Variants in DDX4 observed in about 807,000 individuals in gnomAD.
DDX4 encodes the protein probable ATP-dependent RNA helicase DDX4.
DDX4 carries 25 observed loss-of-function variants against 100.0 expected under a neutral mutation model. That is an observed-to-expected ratio of 0.25 (90% CI 0.18 to 0.35). The LOEUF (loss-of-function observed/expected upper bound fraction) is 0.35, where lower values mean the gene tolerates loss of function less well. Among genes scored for constraint, DDX4 ranks in the 10% least tolerant of loss-of-function variants. DDX4 has a pLI of 1.00. For synonymous variants in DDX4, 259 were observed against 275.7 expected, an observed-to-expected ratio of 0.94 and a Z score of 0.60; for missense variants, 635 against 882.4, an observed-to-expected ratio of 0.72 and a Z score of 3.55.
Position 55,768,850 on chromosome 5 carries a change from G to A in DDX4, c.394+910G>A, listed in dbSNP as rs1339524473. Among the ~76,000 whole-genome samples the A allele has an allele frequency of 2.0e-5, 3 of 152,144 alleles. No individual in the cohort carries two copies. The East Asian group carries it at 5.8e-4, about 29-fold the overall frequency. ...CTGGTGTGAGATGGTATCTCATTGT[G>A]GTTTTGATTTGCATTTCTCTAACGA... On this transcript the variant is annotated intron_variant, in intron 7 of 21. Coordinates refer to ENST00000505374, the MANE Select transcript of DDX4 (RefSeq NM_024415.3).
chr5:55,807,662 C>G (rs950574444), intron 18 of DDX4, among the ~76,000 whole-genome samples: 1 of 152,208 alleles, frequency 6.6e-6, no homozygotes, highest in African/African-American at 2.4e-5. Flanking sequence ...CCACTCTCTT[C>G]TGACTTGTAG....
At chr5:55,743,828 A>C (rs555346276) in intron 2 of DDX4, among the ~76,000 whole-genome samples, 2 of 151,086 alleles carry the variant, frequency 1.3e-5, no homozygotes, top group African/African-American at 4.9e-5. Context: ...TATGTGGGAT[A>C]TTAAGTTCCA....
Position 55,798,315 on chromosome 5 carries a change from TATA to T in DDX4, c.1470-108_1470-106del, listed in dbSNP as rs1250553373. The stretch of plus-strand genomic sequence containing the variant: ...AAGTAACCAACCATCTTATAGCTGT[TATA>T]ATCTGCTGTCTGATTAATATTGAGA... On this transcript the variant is annotated intron_variant, in intron 17 of 21. Coordinates refer to ENST00000505374, the MANE Select transcript of DDX4 (RefSeq NM_024415.3). 9 of 1,134,622 alleles carry T rather than the reference TATA, an allele frequency of 7.9e-6. No individual in the cohort carries two copies. In the African/African-American group the frequency reaches 1.2e-4, roughly 16 times the overall value. The allele number at this position is 1,134,622 out of a possible 1,614,324, so 70.3% of individuals were successfully genotyped here. A position where few individuals can be genotyped will look rare whatever the true frequency, so the allele number is the denominator to read the frequency against.
chr5:55,751,287 G>A (rs1759535499), intron 3 of DDX4, among the ~76,000 whole-genome samples: 1 of 152,160 alleles, frequency 6.6e-6, no homozygotes, highest in Non-Finnish European at 1.5e-5. Flanking sequence ...AGGCTGGAGT[G>A]CAGTGCTGCA....
chr5:55,796,823 CTTTTTTTTTTTTTTTTTTTTTTTTTTT>C (rs3990072), intron 17 of DDX4, among the ~76,000 whole-genome samples: 1 of 59,936 alleles, frequency 1.7e-5, no homozygotes, highest in Admixed American at 2.0e-4. Flanking sequence ...TTCTTTCTTT[CTTTTTTTTTTTTTTTTTTTTTTTTTTT>C]TTTTTTTGGA....
chr5:55,764,174 A>G, intron 6 of DDX4, 110 bp downstream of exon 6: 2 of 787,662 alleles, frequency 2.5e-6, no homozygotes, highest in Admixed American at 4.2e-5. Flanking sequence ...TATTTAAACC[A>G]GATTTTATGA....
chr5:55,779,358 G>C (rs1407168885), intron 7 of DDX4, among the ~76,000 whole-genome samples: 1 of 152,066 alleles, frequency 6.6e-6, no homozygotes, highest in Non-Finnish European at 1.5e-5. Flanking sequence ...AGTATAAATA[G>C]TTGCAAGTTT....
chr5:55,804,638 T>C (rs1329910833), intron 18 of DDX4, among the ~76,000 whole-genome samples: 2 of 152,042 alleles, frequency 1.3e-5, no homozygotes, highest in Non-Finnish European at 1.5e-5. Context: ...GTTGTAGATA[T>C]GCTGCGTTAT....
chr5:55,744,761 C>A (rs1759165653), intron 2 of DDX4, among the ~76,000 whole-genome samples: 1 of 152,204 alleles, frequency 6.6e-6, no homozygotes, highest in Admixed American at 6.5e-5. Context: ...CATGAATATT[C>A]TGATGCTACA....
chr5:55,790,756 TATGGGAAAAGGAAAGA>T (rs1172066998), intron 16 of DDX4, 51 bp downstream of exon 16: 1 of 1,564,488 alleles, frequency 6.4e-7, no homozygotes, highest in African/African-American at 1.4e-5. Context: ...TTTTGTTTGG[TATGGGAAAAGGAAAGA>T]ATGAGGTAAA....
intron 1 of DDX4, 48 bp downstream of exon 1, chr5:55,738,149 G>C (rs1422447016): frequency 1.3e-5 from 2 of 152,304 alleles, no homozygotes; most frequent in Non-Finnish European, 2.9e-5. Flanking sequence ...TCGGCCGTAC[G>C]GGCTCCCCAG....
chr5:55,804,533 C>T (rs1743561337), intron 18 of DDX4, among the ~76,000 whole-genome samples: 1 of 152,204 alleles, frequency 6.6e-6, no homozygotes, highest in African/African-American at 2.4e-5. Flanking sequence ...TTTCAGCTTT[C>T]TTTTTATGGC....
chr5:55,783,666 GATGGATGGATGA>G (rs1352424756), intron 10 of DDX4, among the ~76,000 whole-genome samples: 9 of 125,422 alleles, frequency 7.2e-5, no homozygotes, highest in Admixed American at 3.5e-4. Context: ...TGGATGGATG[GATGGATGGATGA>G]ATGGATGGAT....
At chr5:55,806,971 G>A (rs957687723) in intron 18 of DDX4, among the ~76,000 whole-genome samples, 4 of 152,286 alleles carry the variant, frequency 2.6e-5, no homozygotes, top group East Asian at 1.9e-4. Context: ...CTCTTTGTAG[G>A]TCTCTAAGGA....
chr5:55,765,405 A>AT (rs1554076953), intron 6 of DDX4, among the ~76,000 whole-genome samples: 14 of 100,314 alleles, frequency 1.4e-4, no homozygotes, highest in African/African-American at 4.5e-4. Context: ...TAAAAAAAAA[A>AT]AAAAAAAAAT....
chr5:55,780,763 C>T (rs1383348994), intron 8 of DDX4, among the ~76,000 whole-genome samples: 2 of 152,124 alleles, frequency 1.3e-5, no homozygotes, highest in African/African-American at 4.8e-5. Flanking sequence ...CATATTTTGG[C>T]ATAGCACTGG....
At chr5:55,782,308 TA>T (rs1233308759) in intron 10 of DDX4, 2 of 228,236 alleles carry the variant, frequency 8.8e-6, no homozygotes, top group South Asian at 9.1e-5. Flanking sequence ...AATTCATAAA[TA>T]AAAAACTGTT....
At chr5:55,808,013 G>A (rs894781994) in intron 18 of DDX4, among the ~76,000 whole-genome samples, 27 of 152,114 alleles carry the variant, frequency 1.8e-4, no homozygotes, top group African/African-American at 4.8e-4. Flanking sequence ...GGCTTTGTTC[G>A]TTTCTTTTTA....
At chr5:55,761,255 G>T (rs369292408) in intron 4 of DDX4, among the ~76,000 whole-genome samples, 156 of 152,166 alleles carry the variant, frequency 1.0e-3, no homozygotes, top group Non-Finnish European at 2.0e-3. Context: ...ATTCAGATGA[G>T]ATTTTGTTAG....
Sources: allele counts gnomAD v4.1 joint callset (sites outside exome capture counted in the v4.1 genomes callset), GRCh38; gene constraint gnomAD v4.1.1; transcripts MANE v1.5; gene names NCBI Gene and HGNC (gene_info 2026-07-23, HGNC 2026-07-21).